ATP5MK: variants seen among roughly 807,000 people sequenced by gnomAD.
ATP5MK encodes the protein ATP synthase membrane subunit k, also known as ATP synthase F(0) complex subunit k, mitochondrial.
Under a neutral mutation model 6.6 loss-of-function variants are expected in ATP5MK, and 5 were observed. The ratio of observed to expected loss-of-function variants is 0.76; its 90% CI spans 0.40 to 1.60. ATP5MK has a LOEUF of 1.60. ATP5MK is among the 40% of genes most tolerant of loss of function. The pLI is 0.02. For synonymous variants in ATP5MK, 30 were observed against 24.5 expected (o/e 1.22, Z -0.66); for missense variants, 57 against 66.6 (o/e 0.86, Z 0.50).
intron 2 of ATP5MK, among the ~76,000 whole-genome samples, chr10:103,395,023 G>C (rs192313542): frequency 6.6e-5 from 10 of 152,140 alleles, no homozygotes; most frequent in Non-Finnish European, 1.3e-4. Flanking sequence ...TGATTGCAGG[G>C]AAGTGCATGG....
At chr10:103,394,078 A>G (rs1202646818) in intron 2 of ATP5MK, 3 of 269,826 alleles carry the variant, frequency 1.1e-5, no homozygotes, top group Non-Finnish European at 2.3e-5. Flanking sequence ...TAAGGCTTCT[A>G]GATAATTCTA....
chr10:103,396,030 C>G lies in ATP5MK; in HGVS notation c.-294G>C, dbSNP rs1274505898. On this transcript the variant is annotated splice_region_variant and 5_prime_UTR_variant, in exon 2 of 5. Transcript: ENST00000369815. ...TAAAGCACAGCTCGGTGGGAACAAA[C>G]AGCTATGGACATACAGAAGAAAAGA... is the stretch of plus-strand genomic sequence containing the variant. 6.6e-6 allele frequency: 1 copy of G among 152,240 alleles called. No individual in the cohort carries two copies. Among genetic ancestry groups the G allele is most frequent in the Non-Finnish European group, 1.5e-5 (1 of 68,066 alleles). 9.4% of individuals were successfully genotyped at this position (152,240 alleles called of 1,614,324 possible).
At position 103,392,278 on chromosome 10, in the gene ATP5MK, T is replaced by A; in HGVS notation, c.93A>T (p.Val31=). The change falls in exon 4 of 5, where the codon GTA becomes GTT. Residue 31 remains valine (V), a synonymous_variant. Coordinates refer to ENST00000369815, the MANE Select transcript of ATP5MK (RefSeq NM_001206427.2). ...SYTLTGRMNC[V]LATYGSIALI... ...ATGCAATGCTTCCATATGTGGCCAGTACACACTGAGAAAGAAAGAAAAAAG... is the reference window on the plus strand; with the variant it reads ...ATGCAATGCTTCCATATGTGGCCAGAACACACTGAGAAAGAAAGAAAAAAG... 6.2e-7 allele frequency: 1 copy of A among 1,608,382 alleles called. No individual in the cohort carries two copies. The highest frequency in any genetic ancestry group is 8.5e-7 in the Non-Finnish European group (1 of 1,178,636).
chr10:103,393,733 A>C (rs565734049), intron 2 of ATP5MK, among the ~76,000 whole-genome samples: 1 of 152,342 alleles, frequency 6.6e-6, no homozygotes, highest in East Asian at 1.9e-4. Context: ...GAAATATTAC[A>C]AAGTGGAAAC....
At chr10:103,394,148 TA>T (rs921074825) in intron 2 of ATP5MK, 44 of 338,854 alleles carry the variant, frequency 1.3e-4, no homozygotes, top group African/African-American at 7.7e-4. Context: ...GTAAGTGTAT[TA>T]AAAAAAACTC....
intron 2 of ATP5MK, among the ~76,000 whole-genome samples, chr10:103,394,861 A>T (rs1347412266): frequency 6.7e-6 from 1 of 149,814 alleles, no homozygotes; most frequent in East Asian, 2.0e-4. Flanking sequence ...CTTCACTTTG[A>T]CCATTAACGA....
intron 4 of ATP5MK, among the ~76,000 whole-genome samples, chr10:103,389,407 C>A (rs1564748205): frequency 6.6e-6 from 1 of 152,152 alleles, no homozygotes; most frequent in Non-Finnish European, 1.5e-5. Flanking sequence ...ACTGCAACCT[C>A]CGCGTCCCAG....
At chr10:103,394,474 A>C (rs927936361) in intron 2 of ATP5MK, 6 of 402,542 alleles carry the variant, frequency 1.5e-5, no homozygotes, top group African/African-American at 1.2e-4. Context: ...AAAGGCTTTC[A>C]GAGGCATTCT....
intron 4 of ATP5MK, among the ~76,000 whole-genome samples, chr10:103,391,264 CT>C (rs1222090251): frequency 6.6e-6 from 1 of 152,098 alleles, no homozygotes; most frequent in African/African-American, 2.4e-5. Flanking sequence ...GCACTTTTGC[CT>C]AAGATGACAA....
intron 4 of ATP5MK, among the ~76,000 whole-genome samples, chr10:103,390,855 A>T (rs763157326): frequency 1.3e-5 from 2 of 152,200 alleles, no homozygotes. Context: ...GGCTTTCCAC[A>T]TATCACCCAT....
At chr10:103,395,267 T>C (rs2093428562) in intron 2 of ATP5MK, among the ~76,000 whole-genome samples, 1 of 152,220 alleles carries the variant, frequency 6.6e-6, no homozygotes, top group African/African-American at 2.4e-5. Flanking sequence ...TGTGATTTAA[T>C]GTTGTTAAAC....
At chr10:103,391,242 A>C (rs566673822) in intron 4 of ATP5MK, among the ~76,000 whole-genome samples, 1 of 152,222 alleles carries the variant, frequency 6.6e-6, no homozygotes, top group Non-Finnish European at 1.5e-5. Context: ...TGGGTACCTC[A>C]TAATTGGGAA....
chr10:103,393,361 G>T (rs2093420084), intron 2 of ATP5MK, among the ~76,000 whole-genome samples: 2 of 151,964 alleles, frequency 1.3e-5, no homozygotes, highest in Admixed American at 6.6e-5. Flanking sequence ...GCGGGTGGAT[G>T]CGAGGTCAGG....
rs2093405475 is a variant in ATP5MK, at chr10:103,389,132, C to T, written c.*38G>A. 6.6e-6 allele frequency: 1 copy of T among 152,558 alleles called. No homozygotes were observed. The highest frequency in any genetic ancestry group is 2.1e-4 in the South Asian group (1 of 4,832). 9.5% of individuals were successfully genotyped at this position (152,558 alleles called of 1,614,324 possible). A position where few individuals can be genotyped will look rare whatever the true frequency, so the allele number is the denominator to read the frequency against. The stretch of plus-strand genomic sequence containing the variant: ...AGCTTCTCCAGGCATGGGAACTTAA[C>T]AGATGAGGTTAAGAACCGTAGACAG... On this transcript the variant is annotated 3_prime_UTR_variant, in exon 5 of 5. Coordinates refer to ENST00000369815, the MANE Select transcript of ATP5MK (RefSeq NM_001206427.2).
At chr10:103,393,053 G>C (rs1284644289) in intron 2 of ATP5MK, among the ~76,000 whole-genome samples, 1 of 152,062 alleles carries the variant, frequency 6.6e-6, no homozygotes. Flanking sequence ...AATGTAAATA[G>C]TGAAACCAAA....
At chr10:103,389,863 C>T (rs1006703181) in intron 4 of ATP5MK, among the ~76,000 whole-genome samples, 13 of 151,956 alleles carry the variant, frequency 8.6e-5, no homozygotes, top group Non-Finnish European at 1.5e-4. Context: ...TCTCGAGTAG[C>T]TGGGATTACA....
At chr10:103,394,211 C>G in intron 2 of ATP5MK, 1 of 500,946 alleles carries the variant, frequency 2.0e-6, no homozygotes, top group South Asian at 1.4e-5. Context: ...GTGTATTTTA[C>G]AAAGGCATGA....
chr10:103,390,916 A>G (rs949205353), intron 4 of ATP5MK, among the ~76,000 whole-genome samples: 13 of 152,236 alleles, frequency 8.5e-5, no homozygotes, highest in African/African-American at 1.9e-4. Flanking sequence ...TTGGAGGATT[A>G]TAAGAAAATA....
chr10:103,393,536 C>T (rs866872850), intron 2 of ATP5MK, among the ~76,000 whole-genome samples: 7 of 150,730 alleles, frequency 4.6e-5, no homozygotes, highest in African/African-American at 7.3e-5. Flanking sequence ...GCCTAGATTG[C>T]GCCACTGCAC....
Sources: gnomAD v4.1 joint callset for allele counts (sites outside exome capture counted in the v4.1 genomes callset) on GRCh38, gnomAD v4.1.1 for gene constraint, MANE v1.5 for transcripts, NCBI Gene and HGNC (gene_info 2026-07-23, HGNC 2026-07-21) for gene names.